SPSB4: variants seen among roughly 807,000 people sequenced by gnomAD.
SPSB4 encodes the protein splA/ryanodine receptor domain and SOCS box containing 4.
A neutral mutation model predicts 20.9 loss-of-function variants in SPSB4; 21 were observed. The observed-to-expected ratio is 1.01, with a 90% confidence interval of 0.71 to 1.45. The LOEUF (loss-of-function observed/expected upper bound fraction) is 1.45, where lower values mean the gene tolerates loss of function less well. Among genes scored for constraint, SPSB4 ranks in the 40% most tolerant of loss-of-function variants. The probability of loss-of-function intolerance (pLI) is 0.00; values close to 1 mark genes in which losing one functional copy is unlikely to be tolerated. For missense variants in SPSB4, 399 were observed against 399.2 expected (o/e 1.00, Z 0.00); for synonymous variants, 207 against 183.8 (o/e 1.13, Z -1.02).
intron 2 of SPSB4, among the ~76,000 whole-genome samples, chr3:141,082,363 G>T (rs781299279): frequency 6.6e-6 from 1 of 152,196 alleles, no homozygotes. Context: ...ATCCATGGTT[G>T]GGAGGTGGCA....
At chr3:141,134,253 T>C (rs2107805593) in intron 2 of SPSB4, among the ~76,000 whole-genome samples, 1 of 152,168 alleles carries the variant, frequency 6.6e-6, no homozygotes, top group South Asian at 2.1e-4. Context: ...AGTCATATCA[T>C]CGGCAAATAG....
At position 141,066,570 on chromosome 3, in the gene SPSB4, C is replaced by G; in HGVS notation, c.466C>G (p.Gln156Glu). 6.5e-7 allele frequency: 1 copy of G among 1,544,268 alleles called. No individual in the cohort carries two copies. The highest frequency in any genetic ancestry group is 8.7e-7 in the Non-Finnish European group (1 of 1,145,382). ...RSRLYHDGKN[Q>E]PGVAYPAFLG... ...CCGCCTCTACCACGACGGCAAGAAC[C>G]AGCCCGGCGTGGCCTACCCGGCCTT... The change falls in exon 2 of 3, where the codon CAG (glutamine) becomes GAG (glutamate). Residue 156 changes from glutamine (Q) to glutamate (E), a missense_variant. Gln to Glu is a conservative substitution (Grantham distance 29). Coordinates refer to ENST00000310546, the MANE Select transcript of SPSB4 (RefSeq NM_080862.3).
In SPSB4 at chr3:141,114,708, A is replaced by G. The variant is rs532714660; in HGVS notation, c.695-32434A>G. ...CTTTTGAGAAACTGCTTTTGCCACT[A>G]TCTGAACTAAGGTATTTTTCTGCCT... is the stretch of plus-strand genomic sequence containing the variant. On this transcript the variant is annotated intron_variant, in intron 2 of 2. Coordinates refer to ENST00000310546, the MANE Select transcript of SPSB4 (RefSeq NM_080862.3). Among the ~76,000 whole-genome samples the G allele has an allele frequency of 1.1e-4, 17 of 152,338 alleles. No homozygotes were observed. The South Asian group carries it at 2.3e-3, about 20-fold the overall frequency.
At chr3:141,064,874 C>T (rs2107777987) in intron 1 of SPSB4, among the ~76,000 whole-genome samples, 1 of 152,300 alleles carries the variant, frequency 6.6e-6, no homozygotes, top group South Asian at 2.1e-4. Flanking sequence ...TCCATGAAAA[C>T]CAGGATCCTG....
At chr3:141,076,659 G>A (rs112490341) in intron 2 of SPSB4, among the ~76,000 whole-genome samples, 13 of 152,256 alleles carry the variant, frequency 8.5e-5, no homozygotes, top group African/African-American at 2.9e-4. Context: ...CAGTTGCTTG[G>A]GGGGTGTCTG....
At chr3:141,115,966 G>A (rs1433065036) in intron 2 of SPSB4, among the ~76,000 whole-genome samples, 1 of 152,138 alleles carries the variant, frequency 6.6e-6, no homozygotes, top group East Asian at 1.9e-4. Context: ...ATCCTCCTCT[G>A]GGCCTGTTTC....
At chr3:141,114,886 G>A (rs1938860307) in intron 2 of SPSB4, among the ~76,000 whole-genome samples, 1 of 152,222 alleles carries the variant, frequency 6.6e-6, no homozygotes, top group Non-Finnish European at 1.5e-5. Context: ...TGTAGGCATT[G>A]TACATTAAAT....
At chr3:141,091,116 G>T (rs1297368123) in intron 2 of SPSB4, among the ~76,000 whole-genome samples, 1 of 152,190 alleles carries the variant, frequency 6.6e-6, no homozygotes, top group East Asian at 1.9e-4. Context: ...TGGTTGAGAT[G>T]CCCATCGGAC....
At chr3:141,062,033 C>A (rs372097935) in intron 1 of SPSB4, among the ~76,000 whole-genome samples, 2 of 152,362 alleles carry the variant, frequency 1.3e-5, no homozygotes, top group South Asian at 4.1e-4. Flanking sequence ...CCAAGCCCAG[C>A]CCCTAATATC....
At chr3:141,135,251 TG>T (rs1939206740) in intron 2 of SPSB4, among the ~76,000 whole-genome samples, 1 of 151,986 alleles carries the variant, frequency 6.6e-6, no homozygotes, top group African/African-American at 2.4e-5. Context: ...TAGAAGTTTT[TG>T]TTTTGTGTGG....
rs1399088707 is a variant in SPSB4, at chr3:141,066,368, C to T, written c.264C>T (p.Arg88=). Residue 88 remains arginine, a synonymous_variant, in exon 2 of 3, where the codon CGC becomes CGT. Transcript: ENST00000310546. ...HPVAQSTDGI[R]GKVGHARGLH... is the part of the protein sequence containing the mutation. ...TGGCCCAGAGCACCGACGGCATCCGCGGCAAGGTGGGCCACGCCCGCGGCC... is the reference window on the plus strand; with the variant it reads ...TGGCCCAGAGCACCGACGGCATCCGTGGCAAGGTGGGCCACGCCCGCGGCC... The T allele has an allele frequency of 1.6e-5, 25 of 1,554,942 alleles. No homozygotes were observed. The highest frequency in any genetic ancestry group is 1.9e-5 in the Admixed American group (1 of 51,702).
At chr3:141,123,681 C>T (rs143643634) in intron 2 of SPSB4, among the ~76,000 whole-genome samples, 2 of 152,358 alleles carry the variant, frequency 1.3e-5, no homozygotes, top group Non-Finnish European at 2.9e-5. Flanking sequence ...GCTTCCCCTG[C>T]CTGGTCTCTG....
At chr3:141,138,574 G>A (rs906640519) in intron 2 of SPSB4, among the ~76,000 whole-genome samples, 22 of 152,058 alleles carry the variant, frequency 1.4e-4, no homozygotes, top group Non-Finnish European at 2.6e-4. Flanking sequence ...CTTTATTTCC[G>A]CCTTCATTTC....
At position 141,112,903 on chromosome 3, in the gene SPSB4, C is replaced by T. The variant is rs1053155827; in HGVS notation, c.695-34239C>T. ...CCAAGTAGAGGGGTTCTGACAGGGG[C>T]CTCTGAGGCCCCTTTAGGTAGCTAG... On this transcript the variant is annotated intron_variant, in intron 2 of 2. Coordinates refer to ENST00000310546, the MANE Select transcript of SPSB4 (RefSeq NM_080862.3). 1.3e-4 allele frequency among the ~76,000 whole-genome samples: 20 copies of T among 152,194 alleles called. 1 individual carries two copies. Among genetic ancestry groups the T allele is most frequent in the Middle Eastern group, 3.4e-3 (1 of 294 alleles).
chr3:141,130,276 T>C (rs1010116631), intron 2 of SPSB4, among the ~76,000 whole-genome samples: 6 of 152,312 alleles, frequency 3.9e-5, no homozygotes, highest in Admixed American at 3.9e-4. Context: ...ATGAGGCATG[T>C]TCCTGGCAGG....
At chr3:141,102,947 T>TC (rs1938634869) in intron 2 of SPSB4, among the ~76,000 whole-genome samples, 1 of 152,094 alleles carries the variant, frequency 6.6e-6, no homozygotes. Flanking sequence ...ACTCCAGGAC[T>TC]CCCCTCTATT....
intron 2 of SPSB4, among the ~76,000 whole-genome samples, chr3:141,138,669 T>A (rs1939271445): frequency 6.6e-6 from 1 of 152,192 alleles, no homozygotes; most frequent in Non-Finnish European, 1.5e-5. Context: ...TAATCCTGAG[T>A]TCTAGTTTGA....
chr3:141,123,720 T>C (rs933694875), intron 2 of SPSB4, among the ~76,000 whole-genome samples: 1 of 152,218 alleles, frequency 6.6e-6, no homozygotes, highest in Non-Finnish European at 1.5e-5. Context: ...TCAGTACCCA[T>C]AGGGGCAGCT....
intron 2 of SPSB4, among the ~76,000 whole-genome samples, chr3:141,126,433 G>C (rs975906185): frequency 1.3e-5 from 2 of 152,130 alleles, no homozygotes; most frequent in Non-Finnish European, 2.9e-5. Flanking sequence ...CCAAGTCCAC[G>C]TCCACAGAGA....
Sources: allele counts gnomAD v4.1 joint callset (sites outside exome capture counted in the v4.1 genomes callset), GRCh38; gene constraint gnomAD v4.1.1; transcripts MANE v1.5; gene names NCBI Gene and HGNC (gene_info 2026-07-23, HGNC 2026-07-21).